Variants in VPS13D observed in about 807,000 individuals in gnomAD.
The protein encoded by VPS13D is intermembrane lipid transfer protein VPS13D.
Under a neutral mutation model 461.9 loss-of-function variants are expected in VPS13D, and 187 were observed. The ratio of observed to expected loss-of-function variants is 0.40; its 90% confidence interval spans 0.36 to 0.46. VPS13D has a LOEUF of 0.46. Among genes scored for constraint, VPS13D ranks in the 20% least tolerant of loss-of-function variants. The probability of loss-of-function intolerance (pLI) is 0.60; values close to 1 mark genes in which losing one functional copy is unlikely to be tolerated. For missense variants in VPS13D, 4,711 were observed against 5,364.9 expected (o/e 0.88, Z 3.81); for synonymous variants, 1,951 against 1,986.3 (o/e 0.98, Z 0.47).
intron 68 of VPS13D, among the ~76,000 whole-genome samples, chr1:12,503,195 C>G (rs1385667913): frequency 6.6e-6 from 1 of 152,204 alleles, no homozygotes; most frequent in Non-Finnish European, 1.5e-5. Context: ...CTGGCAGATT[C>G]ACCCACTCTT....
At chr1:12,405,034 A>G (rs777400441) in intron 63 of VPS13D, among the ~76,000 whole-genome samples, 1 of 152,208 alleles carries the variant, frequency 6.6e-6, no homozygotes, top group Admixed American at 6.5e-5. Flanking sequence ...AGAAACAGCT[A>G]GAGATATGAG....
rs771632795 is a variant in VPS13D at position 12,511,404 on chromosome 1, T to A, written c.*2380T>A. The stretch of plus-strand genomic sequence containing the variant: ...CAGAAGGTTTCAGGGGCATTTGACA[T>A]CCCCTCCTGGTTCTCACCAGGAAAA... On this transcript the variant is annotated 3_prime_UTR_variant, in exon 70 of 70. Transcript: ENST00000620676. This position sits in a 1 kb window ranked among gnomAD's most constrained non-coding sequence, Gnocchi z 4.5. 1 of 152,028 alleles carries A rather than the reference T, an allele frequency of 6.6e-6. No individual in the cohort carries two copies. Among genetic ancestry groups the A allele is most frequent in the Non-Finnish European group, 1.5e-5 (1 of 68,010 alleles). The allele number at this position is 152,028 out of a possible 1,614,324, so 9.4% of individuals were successfully genotyped here.
chr1:12,419,637 AATATC>A (rs1393818593), intron 65 of VPS13D, among the ~76,000 whole-genome samples: 1 of 152,188 alleles, frequency 6.6e-6, no homozygotes. Context: ...GAACTTGCTC[AATATC>A]ATGAACACCA....
At chr1:12,409,988 G>C (rs1644702421) in intron 63 of VPS13D, 10 of 447,212 alleles carry the variant, frequency 2.2e-5, no homozygotes, top group Admixed American at 2.2e-4. Context: ...GCAGAAAGCA[G>C]CTGCCAACAG....
In VPS13D at chr1:12,266,944, G is replaced by A. The variant is rs1436806750; in HGVS notation, c.1658G>A (p.Gly553Asp). 1.9e-6 allele frequency: 3 copies of A among 1,610,714 alleles called. No homozygotes were observed. In the African/African-American group the frequency reaches 4.0e-5, roughly 22 times the overall value. ...RNSSLLSVRLGGLFLRDLATE... is the reference protein window; with the variant it reads ...RNSSLLSVRLDGLFLRDLATE... ...TCCTCGTTGCTTTCAGTCCGGTTGG[G>A]TGGACTGTTTCTTCGAGACCTGGCT... The change falls in exon 14 of 70, where the codon GGT (glycine) becomes GAT (aspartate). Residue 553 changes from glycine (G) to aspartate (D), a missense_variant. This residue lies in a region of VPS13D where 4,411 missense variants were observed against 4,937.8 expected (regional missense o/e 0.89). Transcript: ENST00000620676.
intron 25 of VPS13D, among the ~76,000 whole-genome samples, chr1:12,301,451 A>G (rs1642422739): frequency 6.6e-6 from 1 of 152,186 alleles, no homozygotes; most frequent in African/African-American, 2.4e-5. Flanking sequence ...GTTGAGCATA[A>G]AGGCTGTAAT....
At chr1:12,499,715 T>G in intron 68 of VPS13D, 1 of 985,426 alleles carries the variant, frequency 1.0e-6, no homozygotes, top group South Asian at 4.7e-5. Context: ...TGCCAATGAA[T>G]GCTGAAGGAG....
chr1:12,275,838 G>A lies in VPS13D; in HGVS notation c.2250G>A (p.Arg750=). The A allele has an allele frequency of 6.3e-7, 1 of 1,583,230 alleles. No individual in the cohort carries two copies. The highest frequency in any genetic ancestry group is 8.6e-7 in the Non-Finnish European group (1 of 1,166,726). The change falls in exon 19 of 70, where the codon AGG becomes AGA. Residue 750 remains arginine (R), a synonymous_variant. Coordinates refer to ENST00000620676, the MANE Select transcript of VPS13D (RefSeq NM_015378.4). ...LLTNTQDNSR[R]KSRDGSASEE... is the part of the protein sequence containing the mutation. ...TTTTATCTTCAGATAACTCCAGGAG[G>A]AAAAGTAGGGATGGGTCAGCATCTG...
At chr1:12,331,901 TG>T (rs1247713884) in intron 37 of VPS13D, among the ~76,000 whole-genome samples, 4 of 152,210 alleles carry the variant, frequency 2.6e-5, no homozygotes, top group Non-Finnish European at 1.5e-5. Context: ...ATGTATCTAC[TG>T]TGTGTTACAT....
rs765941549 is a variant in VPS13D, at chr1:12,260,774, A to C, written c.1192A>C (p.Lys398Gln). 1.2e-6 allele frequency: 2 copies of C among 1,614,200 alleles called. No individual in the cohort carries two copies. Among genetic ancestry groups the C allele is most frequent in the Admixed American group, 1.7e-5 (1 of 60,024 alleles). The change falls in exon 11 of 70, where the codon AAA becomes CAA. Residue 398 changes from lysine to glutamine, a missense_variant. By Grantham distance (53) the Lys-to-Gln change is moderately conservative (BLOSUM62 1). Coordinates refer to ENST00000620676, the MANE Select transcript of VPS13D (RefSeq NM_015378.4). ...LRELVHDRFH[K>Q]QEELAESLRE... is the part of the protein sequence containing the mutation. The stretch of plus-strand genomic sequence containing the variant: ...TGAACTGGTTCATGATCGATTTCAC[A>C]AACAGGAAGAACTAGCAGAGGTAAG...
At chr1:12,506,709 G>A in intron 68 of VPS13D, 144 bp from the exon 69 acceptor site, 2 of 1,117,142 alleles carry the variant, frequency 1.8e-6, no homozygotes, top group Non-Finnish European at 2.5e-6. Context: ...CCACAAGATA[G>A]AATTTCAGGA....
intron 57 of VPS13D, among the ~76,000 whole-genome samples, chr1:12,381,922 T>TTTTCTTTCTTTCTTTCTTTC (rs35247625): frequency 6.9e-5 from 7 of 101,256 alleles, no homozygotes; most frequent in East Asian, 5.4e-4. Context: ...CTTTCTTTTC[T>TTTTCTTTCTTTCTTTCTTTC]TTTCTTTCTT....
At chr1:12,449,459 A>G (rs1645234429) in intron 65 of VPS13D, among the ~76,000 whole-genome samples, 1 of 151,424 alleles carries the variant, frequency 6.6e-6, no homozygotes. Context: ...CTGAGTGAGG[A>G]CTAGCTGTTT....
At position 12,271,123 on chromosome 1, in the gene VPS13D, T is replaced by C; in HGVS notation, c.2102T>C (p.Ile701Thr). ...GATCGTTTGCTAGTGGGTGATTTCA[T>C]TGTAAGTGGGCATCCATAAACACTC... ...TLDRLLVGDF[I>T]EESKRWTVRL... The change falls in exon 17 of 70, where the codon ATT (isoleucine) becomes ACT (threonine). Residue 701 changes from isoleucine to threonine, a missense_variant and splice_region_variant. Physicochemically the swap from Ile to Thr is moderately conservative, Grantham distance 89 (BLOSUM62 -1). Transcript: ENST00000620676. The C allele has an allele frequency of 6.2e-7, 1 of 1,613,998 alleles. No homozygotes were observed. Among genetic ancestry groups the C allele is most frequent in the East Asian group, 2.2e-5 (1 of 44,858 alleles).
rs1243356647 is a variant in VPS13D at position 12,285,266 on chromosome 1, GTATTTATTTATT to G, written c.5634+1552_5634+1563del. Among the ~76,000 whole-genome samples, 211 of 145,090 alleles carry G rather than the reference GTATTTATTTATT, an allele frequency of 1.5e-3. 1 individual carries two copies. Among genetic ancestry groups the G allele is most frequent in the Middle Eastern group, 7.2e-3 (2 of 278 alleles). On this transcript the variant is annotated intron_variant, in intron 21 of 69. Transcript: ENST00000620676. ...TCTTTGCTGAAGTATTTTATTTTAT[GTATTTATTTATT>G]TATTTATTTATTTATTTATTTTTTT...
intron 23 of VPS13D, among the ~76,000 whole-genome samples, chr1:12,292,031 G>A (rs536461047): frequency 1.3e-5 from 2 of 152,248 alleles, no homozygotes; most frequent in South Asian, 4.1e-4. Flanking sequence ...GGCTGAGGGA[G>A]GCAGATCACC....
intron 7 of VPS13D, among the ~76,000 whole-genome samples, chr1:12,254,682 C>T (rs1216162344): frequency 6.6e-6 from 1 of 151,778 alleles, no homozygotes; most frequent in Non-Finnish European, 1.5e-5. Flanking sequence ...CACCAACATG[C>T]CCAGCTAATG....
At chr1:12,315,430 CTT>C in intron 30 of VPS13D, among the ~76,000 whole-genome samples, 1 of 152,152 alleles carries the variant, frequency 6.6e-6, no homozygotes, top group East Asian at 1.9e-4. Flanking sequence ...TTTTTATGAA[CTT>C]TAAAAGTTCA....
At chr1:12,394,314 C>T (rs2101669591) in intron 60 of VPS13D, among the ~76,000 whole-genome samples, 1 of 152,228 alleles carries the variant, frequency 6.6e-6, no homozygotes, top group Non-Finnish European at 1.5e-5. Context: ...ATGCAGCAGG[C>T]TTCCTATTAA....
Sources: allele counts gnomAD v4.1 joint callset (sites outside exome capture counted in the v4.1 genomes callset), GRCh38; gene constraint gnomAD v4.1.1; regional missense constraint gnomAD v4.1.1; non-coding constraint Gnocchi (gnomAD v3.1); transcripts MANE v1.5; gene names NCBI Gene and HGNC (gene_info 2026-07-23, HGNC 2026-07-21).